The following SUGCT variants were observed in gnomAD, a reference collection of about 807,000 sequenced individuals.
SUGCT encodes the protein succinyl-CoA:glutarate CoA-transferase.
SUGCT carries 41 observed loss-of-function variants against 55.0 expected under a neutral mutation model. The ratio of observed to expected loss-of-function variants is 0.74; its 90% CI spans 0.58 to 0.97. The LOEUF (loss-of-function observed/expected upper bound fraction) is 0.97. SUGCT is among the 50% of genes least tolerant of loss of function. The pLI is 0.00. For missense variants in SUGCT, 568 were observed against 547.8 expected (o/e 1.04, Z -0.37); for synonymous variants, 187 against 200.4 (o/e 0.93, Z 0.56).
At position 40,329,220 on chromosome 7, in the gene SUGCT, A is replaced by G. The variant is rs552810849; in HGVS notation, c.816+12365A>G. On this transcript the variant is annotated intron_variant, in intron 9 of 13. Coordinates refer to ENST00000335693, the MANE Select transcript of SUGCT (RefSeq NM_001193313.2). ...GAGTTCTGATATGGTACCAATTACT[A>G]TTATAGTTTAATATTAGGCAAATAA... Among the ~76,000 whole-genome samples the G allele has an allele frequency of 3.9e-5, 6 of 152,308 alleles. No individual in the cohort carries two copies. The South Asian group carries it at 1.2e-3, about 32-fold the overall frequency.
intron 10 of SUGCT, among the ~76,000 whole-genome samples, chr7:40,450,137 A>G (rs1333120552): frequency 6.6e-6 from 1 of 152,134 alleles, no homozygotes; most frequent in East Asian, 1.9e-4. Context: ...TATGCTGGCC[A>G]GGGTGGTCTC....
intron 11 of SUGCT, among the ~76,000 whole-genome samples, chr7:40,484,966 A>G (rs1438168150): frequency 2.6e-5 from 4 of 152,036 alleles, no homozygotes; most frequent in South Asian, 4.1e-4. Flanking sequence ...GGTAACTTAA[A>G]TTTTCTAAAC....
At chr7:40,324,677 G>A (rs1276458484) in intron 9 of SUGCT, among the ~76,000 whole-genome samples, 1 of 152,066 alleles carries the variant, frequency 6.6e-6, no homozygotes, top group African/African-American at 2.4e-5. Flanking sequence ...AAAAATTTTG[G>A]GTGATTGCTG....
At chr7:40,413,338 G>A (rs1457144037) in intron 9 of SUGCT, among the ~76,000 whole-genome samples, 1 of 152,010 alleles carries the variant, frequency 6.6e-6, no homozygotes, top group Non-Finnish European at 1.5e-5. Context: ...GCTGTGTCTG[G>A]CCTCCTTCCT....
intron 1 of SUGCT, among the ~76,000 whole-genome samples, chr7:40,144,416 C>T (rs1464928420): frequency 6.6e-6 from 1 of 152,050 alleles, no homozygotes; most frequent in Non-Finnish European, 1.5e-5. Context: ...GACTATGGCC[C>T]ATGACTCTGG....
chr7:40,594,438 C>G (rs1797897020), intron 12 of SUGCT, among the ~76,000 whole-genome samples: 4 of 152,054 alleles, frequency 2.6e-5, no homozygotes. Context: ...CTTTTCATAT[C>G]CAGTTATTAT....
intron 3 of SUGCT, among the ~76,000 whole-genome samples, chr7:40,182,561 C>CA (rs533687452): frequency 0.092 from 6,082 of 65,784 alleles, 355 homozygotes; most frequent in African/African-American, 0.24. Context: ...GACTCCGTTT[C>CA]AAAAAAAAAA....
At chr7:40,362,845 A>T (rs1039150386) in intron 9 of SUGCT, among the ~76,000 whole-genome samples, 1 of 152,044 alleles carries the variant, frequency 6.6e-6, no homozygotes, top group African/African-American at 2.4e-5. Context: ...TGTGATTAGA[A>T]TGTGGCTTTT....
At chr7:40,350,115 A>G (rs148025319) in intron 9 of SUGCT, among the ~76,000 whole-genome samples, 1 of 152,020 alleles carries the variant, frequency 6.6e-6, no homozygotes, top group African/African-American at 2.4e-5. Context: ...CTGCTATAAT[A>G]TCCTTTATTC....
chr7:40,886,595 A>C, the SUGCT span, among the ~76,000 whole-genome samples: 1 of 152,226 alleles, frequency 6.6e-6, no homozygotes, highest in Non-Finnish European at 1.5e-5. Context: ...TAGTGAATGA[A>C]GAAATAAGCT....
intron 12 of SUGCT, among the ~76,000 whole-genome samples, chr7:40,619,837 C>T (rs966666731): frequency 6.6e-6 from 1 of 152,134 alleles, no homozygotes; most frequent in African/African-American, 2.4e-5. Context: ...GCTTATCATA[C>T]TTTATATAAT....
chr7:40,922,301 T>G, the SUGCT span, among the ~76,000 whole-genome samples: 1 of 152,224 alleles, frequency 6.6e-6, no homozygotes, highest in African/African-American at 2.4e-5. Flanking sequence ...TTCACCTGGC[T>G]TCCCTGGTGG....
At chr7:40,216,020 T>G (rs576745599) in intron 6 of SUGCT, among the ~76,000 whole-genome samples, 1 of 152,182 alleles carries the variant, frequency 6.6e-6, no homozygotes, top group South Asian at 2.1e-4. Flanking sequence ...GACCTTTTAG[T>G]AAATATTTGA....
At chr7:40,843,352 A>G (rs951154893) in intron 13 of SUGCT, among the ~76,000 whole-genome samples, 5 of 152,064 alleles carry the variant, frequency 3.3e-5, no homozygotes, top group African/African-American at 1.2e-4. Flanking sequence ...TCTACTAAAA[A>G]TACCAAAATT....
chr7:40,883,764 G>A, the SUGCT span, among the ~76,000 whole-genome samples: 1 of 152,280 alleles, frequency 6.6e-6, no homozygotes, highest in African/African-American at 2.4e-5. Flanking sequence ...AACTTCCCAT[G>A]TGTTTTACTA....
chr7:40,790,997 A>T (rs1790281346), intron 13 of SUGCT, among the ~76,000 whole-genome samples: 1 of 152,230 alleles, frequency 6.6e-6, no homozygotes, highest in South Asian at 2.1e-4. Context: ...TACACTTAAT[A>T]CTTCCAGGAT....
chr7:40,348,817 T>C (rs1583482008), intron 9 of SUGCT, among the ~76,000 whole-genome samples: 1 of 152,360 alleles, frequency 6.6e-6, no homozygotes, highest in East Asian at 1.9e-4. Flanking sequence ...TATTCTTGTC[T>C]ATCTCTATTG....
At chr7:40,909,391 A>G in the SUGCT span, among the ~76,000 whole-genome samples, 1 of 152,170 alleles carries the variant, frequency 6.6e-6, no homozygotes, top group African/African-American at 2.4e-5. Context: ...AAGCATGGCT[A>G]CATGTCACCC....
At chr7:40,193,052 C>T (rs1786015281) in intron 5 of SUGCT, among the ~76,000 whole-genome samples, 1 of 149,402 alleles carries the variant, frequency 6.7e-6, no homozygotes, top group African/African-American at 2.5e-5. Context: ...CTGCAGCCTC[C>T]ACCTTCTGGG....
Sources: gnomAD v4.1 joint callset for allele counts (sites outside exome capture counted in the v4.1 genomes callset) on GRCh38, gnomAD v4.1.1 for gene constraint, MANE v1.5 for transcripts, NCBI Gene and HGNC (gene_info 2026-07-23, HGNC 2026-07-21) for gene names.